The following TUSC3 variants were observed in gnomAD, a reference collection of about 807,000 sequenced individuals.
TUSC3 encodes the protein tumor suppressor candidate 3.
A neutral mutation model predicts 44.8 loss-of-function variants in TUSC3; 45 were observed. The ratio of observed to expected loss-of-function variants is 1.00; its 90% confidence interval spans 0.79 to 1.29. The LOEUF (loss-of-function observed/expected upper bound fraction) is 1.29, where lower values mean the gene tolerates loss of function less well. Among genes scored for constraint, TUSC3 ranks in the 50% most tolerant of loss-of-function variants. TUSC3 has a pLI of 0.00. For missense variants in TUSC3, 519 were observed against 437.9 expected, an observed-to-expected ratio of 1.19 and a Z score of -1.65; for synonymous variants, 212 against 152.9, an observed-to-expected ratio of 1.39 and a Z score of -2.85.
At chr8:15,851,786 T>C in the TUSC3 span, among the ~76,000 whole-genome samples, 1 of 152,312 alleles carries the variant, frequency 6.6e-6, no homozygotes, top group Middle Eastern at 3.4e-3. Flanking sequence ...GCTGATATGA[T>C]TTGGCTGTAT....
intron 6 of TUSC3, among the ~76,000 whole-genome samples, chr8:15,690,740 C>T (rs1808862533): frequency 6.6e-6 from 1 of 151,994 alleles, no homozygotes; most frequent in Admixed American, 6.6e-5. Flanking sequence ...ATCCCAGCAC[C>T]CCTTACTGAA....
chr8:15,500,635 C>CT (rs1800948062), intron 2 of TUSC3, among the ~76,000 whole-genome samples: 1 of 152,124 alleles, frequency 6.6e-6, no homozygotes, highest in African/African-American at 2.4e-5. Flanking sequence ...TGAATCAAAT[C>CT]TTTTTTAAAT....
At chr8:15,450,470 G>A (rs934777433) in intron 1 of TUSC3, among the ~76,000 whole-genome samples, 7 of 152,092 alleles carry the variant, frequency 4.6e-5, no homozygotes, top group Non-Finnish European at 8.8e-5. Context: ...CAGATCACAA[G>A]GTCAGGAGTT....
chr8:15,636,084 G>C (rs1352221710), intron 2 of TUSC3, among the ~76,000 whole-genome samples: 3 of 152,154 alleles, frequency 2.0e-5, no homozygotes, highest in Non-Finnish European at 4.4e-5. Flanking sequence ...GTGGGTCTTG[G>C]TCAGGACTAT....
At chr8:15,751,863 T>C (rs1034142700) in intron 9 of TUSC3, among the ~76,000 whole-genome samples, 1 of 152,158 alleles carries the variant, frequency 6.6e-6, no homozygotes, top group African/African-American at 2.4e-5. Context: ...AAGTGTGGGT[T>C]TTAAGAATCA....
At position 15,560,980 on chromosome 8, in the gene TUSC3, G is replaced by A. The variant is rs536675193; in HGVS notation, c.138+20412G>A. Among the ~76,000 whole-genome samples, 850 of 124,530 alleles carry A rather than the reference G, an allele frequency of 6.8e-3. 30 individuals carry two copies. The highest frequency in any genetic ancestry group is 0.024 in the African/African-American group (804 of 33,086). 81.7% of individuals were successfully genotyped at this position (124,530 alleles called of 152,430 possible). A position where few individuals can be genotyped will look rare whatever the true frequency, so the allele number is the denominator to read the frequency against. ...TCCTGTAGCTGAGAGTAATTTGATCGTCTGAAGCCTTCTTCTCTCAGCTCG... is the reference window on the plus strand; with the variant it reads ...TCCTGTAGCTGAGAGTAATTTGATCATCTGAAGCCTTCTTCTCTCAGCTCG... On this transcript the variant is annotated intron_variant, in intron 1 of 10. Coordinates refer to ENST00000503731, the MANE Select transcript of TUSC3 (RefSeq NM_006765.4).
intron 8 of TUSC3, among the ~76,000 whole-genome samples, chr8:15,746,152 G>A (rs182993071): frequency 6.6e-6 from 1 of 152,044 alleles, no homozygotes; most frequent in East Asian, 1.9e-4. Context: ...TGTGTTTATT[G>A]TATATCCTGT....
chr8:15,594,602 G>A (rs1022050373), intron 1 of TUSC3, among the ~76,000 whole-genome samples: 2 of 152,158 alleles, frequency 1.3e-5, no homozygotes, highest in Non-Finnish European at 2.9e-5. Flanking sequence ...GCAACATTCA[G>A]TGTAGGGATA....
At position 15,449,126 on chromosome 8, in the gene TUSC3, G is replaced by C. The variant is rs190936707; in HGVS notation, n.91+31821G>C. Among the ~76,000 whole-genome samples, 5 of 152,262 alleles carry C rather than the reference G, an allele frequency of 3.3e-5. 1 individual carries two copies. Among genetic ancestry groups the C allele is most frequent in the Admixed American group, 2.0e-4 (3 of 15,286 alleles). ...GTATATGGTCATTCTGACAAGCTGG[G>C]AAGTGAAGCCTCTGGCCAGAAGCTG... On this transcript the variant is annotated intron_variant and non_coding_transcript_variant, in intron 1 of 5. Transcript: ENST00000503191.
At chr8:15,534,428 G>C (rs1392030808) in intron 2 of TUSC3, among the ~76,000 whole-genome samples, 2 of 152,090 alleles carry the variant, frequency 1.3e-5, no homozygotes, top group African/African-American at 4.8e-5. Context: ...CAGATCACAA[G>C]GTCAGAAGAT....
At chr8:15,778,574 C>T in the TUSC3 span, among the ~76,000 whole-genome samples, 1 of 152,078 alleles carries the variant, frequency 6.6e-6, no homozygotes, top group Non-Finnish European at 1.5e-5. Flanking sequence ...TTAGGTAACA[C>T]AGTAAGTTTT....
At chr8:15,472,976 A>C (rs1800514962) in intron 1 of TUSC3, among the ~76,000 whole-genome samples, 1 of 152,152 alleles carries the variant, frequency 6.6e-6, no homozygotes, top group Non-Finnish European at 1.5e-5. Context: ...CCCTGCCTAA[A>C]GTTTTCTAAC....
chr8:15,634,945 T>G (rs567340261), intron 2 of TUSC3, among the ~76,000 whole-genome samples: 1 of 152,330 alleles, frequency 6.6e-6, no homozygotes, highest in African/African-American at 2.4e-5. Flanking sequence ...GCAGGAGGGC[T>G]TAGTGTGAAG....
intron 1 of TUSC3, among the ~76,000 whole-genome samples, chr8:15,610,329 C>G (rs1312125029): frequency 6.6e-6 from 1 of 152,110 alleles, no homozygotes; most frequent in African/African-American, 2.4e-5. Context: ...ATAGCAACAT[C>G]TAACATTAGA....
intron 1 of TUSC3, among the ~76,000 whole-genome samples, chr8:15,424,499 C>A (rs536063815): frequency 2.0e-5 from 3 of 152,136 alleles, no homozygotes; most frequent in African/African-American, 7.2e-5. Context: ...CTGAGATTAA[C>A]GTTTCTGGGC....
rs779049092 is a variant in TUSC3 at position 15,623,170 on chromosome 8, A to T, written c.229A>T (p.Ile77Leu). ...RMNGDKFRKF[I>L]KAPPRNYSMI... is the part of the protein sequence containing the mutation. ...GAATGGTGATAAATTCCGAAAATTTATAAAGGCACCACCTCGAAACTATTC... is the reference window on the plus strand; with the variant it reads ...GAATGGTGATAAATTCCGAAAATTTTTAAAGGCACCACCTCGAAACTATTC... The change falls in exon 2 of 11, where the codon ATA becomes TTA. Residue 77 changes from isoleucine to leucine, a missense_variant. Ile to Leu is a conservative substitution (Grantham distance 5). Transcript: ENST00000503731. The T allele has an allele frequency of 6.2e-6, 10 of 1,613,812 alleles. No individual in the cohort carries two copies. In the African/African-American group the frequency reaches 1.2e-4, roughly 19 times the overall value.
the TUSC3 span, among the ~76,000 whole-genome samples, chr8:15,818,156 G>T: frequency 6.6e-6 from 1 of 152,314 alleles, no homozygotes; most frequent in East Asian, 1.9e-4. Flanking sequence ...TCTGTCAGGG[G>T]ATGATGTCAA....
the TUSC3 span, among the ~76,000 whole-genome samples, chr8:15,843,763 C>T: frequency 4.6e-5 from 7 of 151,674 alleles, no homozygotes; most frequent in African/African-American, 1.7e-4. Flanking sequence ...ACCTGTGTTC[C>T]AGATTATATA....
At chr8:15,674,395 T>C (rs1444073625) in intron 6 of TUSC3, among the ~76,000 whole-genome samples, 3 of 152,074 alleles carry the variant, frequency 2.0e-5, no homozygotes, top group Admixed American at 1.3e-4. Context: ...GAATAGGAAA[T>C]ACTGTGATAA....
Sources: allele counts gnomAD v4.1 joint callset (sites outside exome capture counted in the v4.1 genomes callset), GRCh38; gene constraint gnomAD v4.1.1; transcripts MANE v1.5; gene names NCBI Gene and HGNC (gene_info 2026-07-23, HGNC 2026-07-21).